Variants in DAB1 observed in about 807,000 individuals in gnomAD.
The protein encoded by DAB1 is disabled homolog 1.
In DAB1, 15 loss-of-function variants were observed where a neutral mutation model predicts 64.6. The observed-to-expected ratio is 0.23, with a 90% CI of 0.16 to 0.36. The LOEUF (loss-of-function observed/expected upper bound fraction) is 0.36, where lower values mean the gene tolerates loss of function less well. DAB1 is among the 10% of genes least tolerant of loss of function. The pLI is 1.00. For missense variants in DAB1, 596 were observed against 706.7 expected (o/e 0.84, Z 1.78); for synonymous variants, 235 against 251.9 (o/e 0.93, Z 0.64).
chr1:57,193,841 C>A (rs1221519567), intron 2 of DAB1, among the ~76,000 whole-genome samples: 1 of 102,660 alleles, frequency 9.7e-6, no homozygotes, highest in East Asian at 3.5e-4. Context: ...TTAAGCCAGA[C>A]TCTGGTTCAA....
Position 57,782,027 on chromosome 1 carries a change from G to A in DAB1, n.551+101972C>T, listed in dbSNP as rs546982262. ...ATTCACTAATTCTACACACGGCAAA[G>A]CAATGATAATTAAGCCTATTTTACA... is the stretch of plus-strand genomic sequence containing the variant. On this transcript the variant is annotated intron_variant and non_coding_transcript_variant, in intron 6 of 20. Transcript: ENST00000485760. Among the ~76,000 whole-genome samples the A allele has an allele frequency of 2.6e-5, 4 of 152,252 alleles. No individual in the cohort carries two copies. The South Asian group carries it at 8.3e-4, about 32-fold the overall frequency.
At chr1:57,849,030 T>C (rs1056318958) in intron 1 of DAB1, among the ~76,000 whole-genome samples, 2 of 152,234 alleles carry the variant, frequency 1.3e-5, no homozygotes, top group African/African-American at 4.8e-5. Flanking sequence ...GTCTTCTGTT[T>C]CTGTAATATT....
At chr1:58,195,397 A>G (rs1335621008) in intron 4 of DAB1, among the ~76,000 whole-genome samples, 1 of 152,230 alleles carries the variant, frequency 6.6e-6, no homozygotes, top group African/African-American at 2.4e-5. Context: ...GTGCAAAGAC[A>G]TAGAGGCACA....
intron 4 of DAB1, among the ~76,000 whole-genome samples, chr1:58,164,528 C>T (rs1354310801): frequency 6.6e-6 from 1 of 152,202 alleles, no homozygotes; most frequent in East Asian, 1.9e-4. Flanking sequence ...CAAAGCCCTT[C>T]TGAGTTTTAT....
intron 4 of DAB1, among the ~76,000 whole-genome samples, chr1:58,180,379 A>T (rs1262885677): frequency 7.6e-6 from 1 of 131,490 alleles, no homozygotes; most frequent in Non-Finnish European, 1.5e-5. Context: ...TGCAGCCTCG[A>T]CCTCCTGGGC....
At chr1:57,138,388 G>C (rs1557788959) in intron 3 of DAB1, among the ~76,000 whole-genome samples, 1 of 152,180 alleles carries the variant, frequency 6.6e-6, no homozygotes, top group East Asian at 1.9e-4. Flanking sequence ...CTTGGTGCCG[G>C]GACCAGTGAT....
chr1:58,404,521 C>A (rs1205976264), intron 3 of DAB1, among the ~76,000 whole-genome samples: 1 of 152,188 alleles, frequency 6.6e-6, no homozygotes, highest in Non-Finnish European at 1.5e-5. Flanking sequence ...CCCTTGTCAG[C>A]CTTCAGGGCT....
At chr1:57,716,928 T>C (rs531918631) in intron 6 of DAB1, among the ~76,000 whole-genome samples, 3 of 152,184 alleles carry the variant, frequency 2.0e-5, no homozygotes, top group East Asian at 1.9e-4. Context: ...AAGACTTAAA[T>C]AGACATTTTC....
At chr1:58,012,492 A>T (rs1362518729) in intron 5 of DAB1, among the ~76,000 whole-genome samples, 3 of 151,788 alleles carry the variant, frequency 2.0e-5, no homozygotes, top group Non-Finnish European at 2.9e-5. Context: ...TATAATAATT[A>T]AAAAAAAATT....
intron 2 of DAB1, among the ~76,000 whole-genome samples, chr1:57,252,997 C>T (rs1391366277): frequency 2.0e-5 from 3 of 152,154 alleles, no homozygotes; most frequent in Non-Finnish European, 4.4e-5. Flanking sequence ...ACGGAGACAC[C>T]CTTGCCCTCT....
chr1:57,864,682 A>ATCT (rs764437134), intron 1 of DAB1: 1 of 113,594 alleles, frequency 8.8e-6, no homozygotes, highest in Non-Finnish European at 1.8e-5. Flanking sequence ...TTATTTATTT[A>ATCT]ATTATTTATT....
intron 2 of DAB1, among the ~76,000 whole-genome samples, chr1:57,184,310 G>C (rs142899607): frequency 6.6e-6 from 1 of 152,144 alleles, no homozygotes; most frequent in Non-Finnish European, 1.5e-5. Flanking sequence ...GGAGAAAAAG[G>C]ATTCTTTTAA....
At chr1:57,762,380 A>C (rs1323877424) in intron 6 of DAB1, among the ~76,000 whole-genome samples, 1 of 152,172 alleles carries the variant, frequency 6.6e-6, no homozygotes, top group Non-Finnish European at 1.5e-5. Context: ...ATGTCTCATT[A>C]TAAATCACTG....
chr1:57,304,255 C>G (rs1673941653), intron 1 of DAB1, among the ~76,000 whole-genome samples: 1 of 152,076 alleles, frequency 6.6e-6, no homozygotes, highest in African/African-American at 2.4e-5. Context: ...ATCCTGAGAA[C>G]TCACTCACTA....
chr1:57,785,035 C>T (rs925325585), intron 6 of DAB1, among the ~76,000 whole-genome samples: 1 of 152,248 alleles, frequency 6.6e-6, no homozygotes, highest in East Asian at 1.9e-4. Context: ...AACCAATACT[C>T]ATTTAGTATT....
At chr1:58,381,568 T>G (rs1418355807) in intron 3 of DAB1, among the ~76,000 whole-genome samples, 2 of 152,196 alleles carry the variant, frequency 1.3e-5, no homozygotes, top group Non-Finnish European at 2.9e-5. Context: ...GAGCCTCAAG[T>G]ACAATGTGAG....
At chr1:58,024,006 G>A (rs1031829266) in intron 5 of DAB1, among the ~76,000 whole-genome samples, 10 of 152,090 alleles carry the variant, frequency 6.6e-5, no homozygotes, top group Admixed American at 5.9e-4. Flanking sequence ...TTTCTGCTGC[G>A]TAATTTATCC....
At chr1:57,553,505 G>GAAGGAATGAAGGAAGGAAGA (rs57000232) in intron 7 of DAB1, among the ~76,000 whole-genome samples, 1 of 120,396 alleles carries the variant, frequency 8.3e-6, no homozygotes, top group East Asian at 2.6e-4. Flanking sequence ...AGGAAGGAAG[G>GAAGGAATGAAGGAAGGAAGA]AAGAGAGAGA....
chr1:58,423,429 A>G (rs1644791797), intron 3 of DAB1, among the ~76,000 whole-genome samples: 1 of 152,170 alleles, frequency 6.6e-6, no homozygotes. Context: ...GAAGAGGTGG[A>G]GGGAAGTTCC....
Sources: allele counts gnomAD v4.1 joint callset (sites outside exome capture counted in the v4.1 genomes callset), GRCh38; gene constraint gnomAD v4.1.1; transcripts MANE v1.5; gene names NCBI Gene and HGNC (gene_info 2026-07-23, HGNC 2026-07-21).